The following EXOC4 variants were observed in gnomAD, a reference collection of about 807,000 sequenced individuals.
EXOC4 encodes SEC8-like 1.
Under a neutral mutation model 107.2 loss-of-function variants are expected in EXOC4, and 71 were observed. The observed-to-expected ratio is 0.66, with a 90% CI of 0.55 to 0.81. The LOEUF is 0.81. Among genes scored for constraint, EXOC4 ranks in the 30% least tolerant of loss-of-function variants. The pLI is 0.00. For missense variants in EXOC4, 1,108 were observed against 1,189.6 expected, an observed-to-expected ratio of 0.93 and a Z score of 1.01; for synonymous variants, 456 against 441.2, an observed-to-expected ratio of 1.03 and a Z score of -0.42.
At chr7:133,982,962 A>G (rs918392648) in intron 14 of EXOC4, among the ~76,000 whole-genome samples, 3 of 152,206 alleles carry the variant, frequency 2.0e-5, no homozygotes, top group Non-Finnish European at 2.9e-5. Context: ...TTGCACTACT[A>G]TAAAGAAATA....
At chr7:133,588,493 T>G (rs1801459219) in intron 9 of EXOC4, among the ~76,000 whole-genome samples, 1 of 152,242 alleles carries the variant, frequency 6.6e-6, no homozygotes, top group Non-Finnish European at 1.5e-5. Flanking sequence ...GCCACTATTC[T>G]CTATTTGCTC....
At chr7:133,380,235 T>C (rs1179509188) in intron 7 of EXOC4, among the ~76,000 whole-genome samples, 1 of 115,820 alleles carries the variant, frequency 8.6e-6, no homozygotes, top group Non-Finnish European at 1.8e-5. Flanking sequence ...ACTTAAAGTA[T>C]AATAAAAATA....
chr7:133,389,604 T>A (rs1796806517), intron 7 of EXOC4, among the ~76,000 whole-genome samples: 1 of 145,012 alleles, frequency 6.9e-6, no homozygotes, highest in African/African-American at 2.6e-5. Context: ...AAGAGAGTCT[T>A]AAGTCAGGTT....
intron 10 of EXOC4, among the ~76,000 whole-genome samples, chr7:133,703,180 C>T (rs1794701561): frequency 6.6e-6 from 1 of 152,136 alleles, no homozygotes; most frequent in Non-Finnish European, 1.5e-5. Context: ...AGAAGCTGTG[C>T]CAGGCACGCA....
chr7:133,639,287 C>T (rs1001822692), intron 10 of EXOC4, among the ~76,000 whole-genome samples: 5 of 152,050 alleles, frequency 3.3e-5, no homozygotes, highest in Non-Finnish European at 5.9e-5. Context: ...CCCCTCTTTC[C>T]GATTTGTTCT....
At chr7:133,258,229 G>A (rs540547786) in intron 1 of EXOC4, among the ~76,000 whole-genome samples, 3 of 152,314 alleles carry the variant, frequency 2.0e-5, no homozygotes, top group South Asian at 2.1e-4. Context: ...CACAATTACC[G>A]TACTCTGGCT....
intron 4 of EXOC4, among the ~76,000 whole-genome samples, chr7:133,308,792 T>C (rs1403409849): frequency 1.3e-5 from 2 of 152,240 alleles, no homozygotes; most frequent in South Asian, 2.1e-4. Context: ...GGAAGAAATA[T>C]TATGTGATCT....
At chr7:133,720,524 T>C (rs1031333403) in intron 10 of EXOC4, among the ~76,000 whole-genome samples, 3 of 152,180 alleles carry the variant, frequency 2.0e-5, no homozygotes, top group Admixed American at 2.0e-4. Context: ...TTTCTATTCA[T>C]GTTAAAGCAA....
At chr7:133,994,771 G>A (rs1673816737) in intron 14 of EXOC4, among the ~76,000 whole-genome samples, 1 of 151,938 alleles carries the variant, frequency 6.6e-6, no homozygotes, top group African/African-American at 2.4e-5. Context: ...GTGTGTGTGT[G>A]TGTGTGTGTG....
At chr7:133,808,862 G>A (rs1797146193) in intron 10 of EXOC4, among the ~76,000 whole-genome samples, 2 of 152,100 alleles carry the variant, frequency 1.3e-5, no homozygotes, top group African/African-American at 4.8e-5. Flanking sequence ...TGTGCAGAAA[G>A]TGTCATCAGA....
At chr7:133,540,210 A>G (rs547318264) in intron 9 of EXOC4, among the ~76,000 whole-genome samples, 29 of 152,280 alleles carry the variant, frequency 1.9e-4, no homozygotes, top group African/African-American at 6.5e-4. Flanking sequence ...AGGAGCTGCA[A>G]TTTTACTCCT....
intron 1 of EXOC4, among the ~76,000 whole-genome samples, chr7:133,256,223 C>A (rs917521903): frequency 3.3e-5 from 5 of 152,166 alleles, no homozygotes; most frequent in Admixed American, 6.5e-5. Context: ...CCTTGTGATC[C>A]ACCCGCCTTG....
intron 10 of EXOC4, among the ~76,000 whole-genome samples, chr7:133,786,542 C>T (rs983479507): frequency 6.6e-6 from 1 of 152,234 alleles, no homozygotes; most frequent in African/African-American, 2.4e-5. Flanking sequence ...AAGAGTTTTC[C>T]AGACCAGCAT....
At chr7:133,518,168 C>T (rs1799914881) in intron 9 of EXOC4, among the ~76,000 whole-genome samples, 1 of 151,906 alleles carries the variant, frequency 6.6e-6, no homozygotes, top group Admixed American at 6.6e-5. Flanking sequence ...TGCTAGTATC[C>T]TGTAGTTTAA....
chr7:133,858,994 G>A (rs1459736405), intron 11 of EXOC4, among the ~76,000 whole-genome samples: 6 of 152,066 alleles, frequency 3.9e-5, no homozygotes, highest in Non-Finnish European at 7.4e-5. Flanking sequence ...CTGGGTATTT[G>A]ACTCTTCTCC....
At chr7:133,918,645 A>G (rs1334916936) in intron 13 of EXOC4, among the ~76,000 whole-genome samples, 4 of 152,176 alleles carry the variant, frequency 2.6e-5, no homozygotes, top group Non-Finnish European at 5.9e-5. Context: ...AATTTAAATT[A>G]TTTACTTAGC....
At chr7:133,446,304 A>G (rs1798218265) in intron 7 of EXOC4, among the ~76,000 whole-genome samples, 1 of 152,134 alleles carries the variant, frequency 6.6e-6, no homozygotes, top group Admixed American at 6.5e-5. Flanking sequence ...TACGAGGGAG[A>G]CTTTATTCCA....
At chr7:133,810,364 A>T (rs1797191216) in intron 10 of EXOC4, among the ~76,000 whole-genome samples, 1 of 152,156 alleles carries the variant, frequency 6.6e-6, no homozygotes, top group Non-Finnish European at 1.5e-5. Flanking sequence ...ATTTCCCTTG[A>T]TAGCAATCAA....
At chr7:133,585,432 G>A (rs776429711) in intron 9 of EXOC4, among the ~76,000 whole-genome samples, 9 of 152,074 alleles carry the variant, frequency 5.9e-5, no homozygotes, top group Non-Finnish European at 8.8e-5. Flanking sequence ...ATTACTCTGG[G>A]CAGTGGTGAT....
Sources: allele counts gnomAD v4.1 joint callset (sites outside exome capture counted in the v4.1 genomes callset), GRCh38; gene constraint gnomAD v4.1.1; transcripts MANE v1.5; gene names NCBI Gene and HGNC (gene_info 2026-07-23, HGNC 2026-07-21).